The following LINGO2 variants were observed in gnomAD, a reference collection of about 807,000 sequenced individuals.
The protein encoded by LINGO2 is leucine-rich repeat and immunoglobulin-like domain-containing nogo receptor-interacting protein 2.
A neutral mutation model predicts 30.6 loss-of-function variants in LINGO2; 14 were observed. The observed-to-expected ratio is 0.46, with a 90% CI of 0.30 to 0.72. LINGO2 has a LOEUF of 0.72. Among genes scored for constraint, LINGO2 ranks in the 30% least tolerant of loss-of-function variants. The probability of loss-of-function intolerance (pLI) is 0.07; values close to 1 mark genes in which losing one functional copy is unlikely to be tolerated. For synonymous variants in LINGO2, 317 were observed against 288.5 expected (o/e 1.10, Z -1.00); for missense variants, 729 against 751.7 (o/e 0.97, Z 0.35).
At chr9:28,556,632 A>G (rs1206652439) in intron 1 of LINGO2, among the ~76,000 whole-genome samples, 1 of 152,080 alleles carries the variant, frequency 6.6e-6, no homozygotes, top group Admixed American at 6.6e-5. Context: ...TCTTCACAGA[A>G]TTGGAAAAAA....
In LINGO2 at chr9:27,998,860, T is replaced by C. The variant is rs201666456; in HGVS notation, c.-36+13495A>G. 2.7e-4 allele frequency among the ~76,000 whole-genome samples: 41 copies of C among 152,162 alleles called. No individual in the cohort carries two copies. In the East Asian group the frequency reaches 5.0e-3, roughly 19 times the overall value. On this transcript the variant is annotated intron_variant, in intron 5 of 5. Coordinates refer to ENST00000379992, the Ensembl canonical transcript of LINGO2. ...GCTGAGATCCATAACTGCCACAGCA[T>C]GAGAGAGAAGAGTAAACTATTATTA...
chr9:28,290,368 C>A (rs1431392248), intron 4 of LINGO2, among the ~76,000 whole-genome samples: 2 of 152,134 alleles, frequency 1.3e-5, no homozygotes, highest in African/African-American at 2.4e-5. Context: ...GCAGTGCACT[C>A]GGCAAGACTT....
intron 2 of LINGO2, among the ~76,000 whole-genome samples, chr9:28,433,914 G>GCTCGCTCTCT (rs1554720583): frequency 1.2e-4 from 10 of 83,848 alleles, no homozygotes; most frequent in African/African-American, 4.2e-4. Flanking sequence ...AAGAAAATGT[G>GCTCGCTCTCT]CTCTCTCTTT....
the LINGO2 span, among the ~76,000 whole-genome samples, chr9:29,158,158 C>T: frequency 2.7e-5 from 4 of 148,146 alleles, no homozygotes; most frequent in Non-Finnish European, 5.9e-5. Context: ...CAGGGCAACA[C>T]AGCAAAACCC....
intron 1 of LINGO2, among the ~76,000 whole-genome samples, chr9:28,540,982 C>T (rs955727976): frequency 3.9e-5 from 6 of 152,078 alleles, no homozygotes; most frequent in South Asian, 2.1e-4. Flanking sequence ...TATCTAAAGC[C>T]CAGGTCCACT....
chr9:28,637,466 T>G (rs1381830578), intron 1 of LINGO2, among the ~76,000 whole-genome samples: 4 of 152,190 alleles, frequency 2.6e-5, no homozygotes, highest in African/African-American at 9.6e-5. Context: ...TGGAATGTTC[T>G]TCCATTTCTT....
intron 5 of LINGO2, among the ~76,000 whole-genome samples, chr9:28,002,191 C>T (rs1266431044): frequency 6.6e-6 from 1 of 152,162 alleles, no homozygotes; most frequent in African/African-American, 2.4e-5. Context: ...CAGATTTATA[C>T]ACTAATATTT....
the LINGO2 span, among the ~76,000 whole-genome samples, chr9:28,883,365 G>A: frequency 3.3e-5 from 5 of 151,106 alleles, no homozygotes; most frequent in Non-Finnish European, 7.4e-5. Flanking sequence ...TGTACGTGTT[G>A]CTATTGTCTT....
the LINGO2 span, among the ~76,000 whole-genome samples, chr9:28,891,301 T>G: frequency 6.6e-6 from 1 of 152,132 alleles, no homozygotes; most frequent in South Asian, 2.1e-4. Context: ...CTTAGTTTTC[T>G]CATTTCAAAA....
chr9:28,661,851 G>C (rs942688793), intron 1 of LINGO2, among the ~76,000 whole-genome samples: 1 of 152,132 alleles, frequency 6.6e-6, no homozygotes, highest in Non-Finnish European at 1.5e-5. Flanking sequence ...TGAAAACCTT[G>C]TACTATGGAC....
the LINGO2 span, among the ~76,000 whole-genome samples, chr9:29,071,049 C>A: frequency 6.7e-6 from 1 of 150,278 alleles, no homozygotes; most frequent in Non-Finnish European, 1.5e-5. Context: ...TGTATATATA[C>A]ATACAGACCC....
chr9:28,131,250 G>A (rs1237971227), intron 4 of LINGO2, among the ~76,000 whole-genome samples: 1 of 151,498 alleles, frequency 6.6e-6, no homozygotes, highest in African/African-American at 2.4e-5. Flanking sequence ...CATGTATTTT[G>A]TATTTTGCAA....
At chr9:28,847,019 C>G in the LINGO2 span, among the ~76,000 whole-genome samples, 1 of 146,080 alleles carries the variant, frequency 6.8e-6, no homozygotes, top group Non-Finnish European at 1.5e-5. Context: ...AAAGCTTATT[C>G]CTACAAGTGG....
At chr9:28,308,009 G>A (rs895048721) in intron 3 of LINGO2, among the ~76,000 whole-genome samples, 4 of 151,036 alleles carry the variant, frequency 2.6e-5, no homozygotes, top group Admixed American at 2.0e-4. Flanking sequence ...TACTGCCCAA[G>A]GTAATTTATA....
chr9:28,011,388 C>G (rs1034502909), intron 5 of LINGO2, among the ~76,000 whole-genome samples: 2 of 152,064 alleles, frequency 1.3e-5, no homozygotes. Flanking sequence ...TAGGAAATAG[C>G]AAGAATAGAG....
chr9:28,501,068 T>C (rs1329478026), intron 1 of LINGO2, among the ~76,000 whole-genome samples: 2 of 152,112 alleles, frequency 1.3e-5, no homozygotes, highest in African/African-American at 4.8e-5. Context: ...TCTGAAAATA[T>C]TGCTAAAGGA....
intron 4 of LINGO2, among the ~76,000 whole-genome samples, chr9:28,289,537 CAT>C (rs2134161998): frequency 6.6e-6 from 1 of 152,268 alleles, no homozygotes; most frequent in Non-Finnish European, 1.5e-5. Flanking sequence ...AAAGAAAGTG[CAT>C]ATCTCACAAA....
the LINGO2 span, among the ~76,000 whole-genome samples, chr9:28,757,343 T>G: frequency 2.0e-5 from 3 of 152,018 alleles, no homozygotes; most frequent in Non-Finnish European, 4.4e-5. Context: ...ATCCATCTTT[T>G]TGAACCCCTA....
chr9:29,020,104 A>C, the LINGO2 span, among the ~76,000 whole-genome samples: 1 of 152,210 alleles, frequency 6.6e-6, no homozygotes, highest in Non-Finnish European at 1.5e-5. Context: ...GATCCAATAT[A>C]AAATTCCACT....
Sources: gnomAD v4.1 joint callset for allele counts (sites outside exome capture counted in the v4.1 genomes callset) on GRCh38, gnomAD v4.1.1 for gene constraint, MANE v1.5 for transcripts, NCBI Gene and HGNC (gene_info 2026-07-23, HGNC 2026-07-21) for gene names.